GJB7: variants seen among roughly 807,000 people sequenced by gnomAD.
GJB7 encodes the protein gap junction protein beta 7.
For missense variants in GJB7, 253 were observed against 256.8 expected (o/e 0.99, Z 0.10); for synonymous variants, 87 against 95.2 (o/e 0.91, Z 0.50).
chr6:87,304,913 A>C (rs1776399315), intron 2 of GJB7, among the ~76,000 whole-genome samples: 1 of 152,258 alleles, frequency 6.6e-6, no homozygotes, highest in African/African-American at 2.4e-5. Flanking sequence ...AAACAGAACC[A>C]AAGACAAAAA....
Position 87,307,895 on chromosome 6 carries a change from T to A in GJB7, c.-28+14971A>T, listed in dbSNP as rs146554197. Among the ~76,000 whole-genome samples the A allele has an allele frequency of 5.6e-3, 860 of 152,328 alleles. 30 individuals carry two copies. Among genetic ancestry groups the A allele is most frequent in the Admixed American group, 0.05 (767 of 15,298 alleles). Reference sequence around the variant, plus strand: ...TACTGGGTATATACCCAAAGGATTATACATCATGCTGCTATAAGGACACAG... The same window carrying A: ...TACTGGGTATATACCCAAAGGATTAAACATCATGCTGCTATAAGGACACAG... On this transcript the variant is annotated intron_variant, in intron 2 of 2. Transcript: ENST00000525899.
rs531687119 is a variant in GJB7 at position 87,319,075 on chromosome 6, T to C, written c.-28+3791A>G. The stretch of plus-strand genomic sequence containing the variant: ...GAACCCCAGATTAAAATAGATATCA[T>C]TGGTCCCTTTGAATGTGTTTTCATA... On this transcript the variant is annotated intron_variant, in intron 2 of 2. Coordinates refer to ENST00000525899, the MANE Select transcript of GJB7 (RefSeq NM_198568.3). Among the ~76,000 whole-genome samples the C allele has an allele frequency of 1.2e-4, 19 of 152,324 alleles. No homozygotes were observed. In the South Asian group the frequency reaches 3.5e-3, roughly 28 times the overall value.
intron 2 of GJB7, among the ~76,000 whole-genome samples, chr6:87,310,800 TAACC>T (rs1217309639): frequency 1.3e-5 from 2 of 152,172 alleles, no homozygotes; most frequent in Non-Finnish European, 2.9e-5. Context: ...TATTGAACCT[TAACC>T]AAAACATCTT....
chr6:87,287,895 C>A (rs1236562650), intron 2 of GJB7, among the ~76,000 whole-genome samples: 1 of 152,048 alleles, frequency 6.6e-6, no homozygotes, highest in Admixed American at 6.6e-5. Context: ...AAATGTCCAT[C>A]CTATTTTTTT....
chr6:87,301,686 G>A (rs868316607), intron 2 of GJB7, among the ~76,000 whole-genome samples: 28 of 152,290 alleles, frequency 1.8e-4, no homozygotes, highest in Admixed American at 3.3e-4. Context: ...GAGAGTAATC[G>A]TTCTCCCAGC....
intron 2 of GJB7, among the ~76,000 whole-genome samples, chr6:87,295,221 C>T (rs1292799068): frequency 1.3e-5 from 2 of 152,152 alleles, no homozygotes; most frequent in Admixed American, 1.3e-4. Flanking sequence ...GGGCTGCCTC[C>T]ACATCTCAGA....
chr6:87,327,370 T>C (rs1776853614), intron 1 of GJB7, among the ~76,000 whole-genome samples: 1 of 151,958 alleles, frequency 6.6e-6, no homozygotes, highest in Admixed American at 6.6e-5. Flanking sequence ...CAATGGTCTT[T>C]ACATTTTGGC....
chr6:87,284,588 G>T lies in GJB7; in HGVS notation c.325C>A (p.Leu109Ile). 6.2e-7 allele frequency: 1 copy of T among 1,614,118 alleles called. No individual in the cohort carries two copies. Among genetic ancestry groups the T allele is most frequent in the Non-Finnish European group, 8.5e-7 (1 of 1,180,006 alleles). The change falls in exon 3 of 3, where the codon CTC becomes ATC. Residue 109 changes from leucine (L) to isoleucine (I), a missense_variant. By Grantham distance (5) the Leu-to-Ile change is conservative (BLOSUM62 2). Transcript: ENST00000525899. ...EGREKRHRKK[L>I]YVSPGTMDGG... The stretch of plus-strand genomic sequence containing the variant: ...TCCATTGTACCTGGGCTGACATAGA[G>T]TTTCTTTCTGTGCCTTTTCTCTCTA...
chr6:87,307,810 C>G (rs1313731150), intron 2 of GJB7, among the ~76,000 whole-genome samples: 2 of 152,322 alleles, frequency 1.3e-5, no homozygotes, highest in African/African-American at 4.8e-5. Flanking sequence ...CTGTGGAAGA[C>G]AGTGTGGCGA....
chr6:87,312,700 C>T (rs969573726), intron 2 of GJB7, among the ~76,000 whole-genome samples: 4 of 152,142 alleles, frequency 2.6e-5, no homozygotes, highest in Non-Finnish European at 4.4e-5. Flanking sequence ...ACCCAGTTTC[C>T]GTTATTACAT....
chr6:87,326,191 A>G (rs187136759), intron 1 of GJB7, among the ~76,000 whole-genome samples: 7 of 152,128 alleles, frequency 4.6e-5, no homozygotes, highest in East Asian at 3.9e-4. Flanking sequence ...CGGTCTATCA[A>G]TTTTGTTGAT....
intron 2 of GJB7, among the ~76,000 whole-genome samples, chr6:87,301,068 T>C (rs1776314894): frequency 1.3e-5 from 2 of 152,128 alleles, no homozygotes; most frequent in East Asian, 3.9e-4. Flanking sequence ...TATGGCTGAA[T>C]AGGAACAGCT....
intron 2 of GJB7, among the ~76,000 whole-genome samples, chr6:87,321,845 G>A (rs997290251): frequency 1.3e-5 from 2 of 152,170 alleles, no homozygotes; most frequent in Admixed American, 6.5e-5. Flanking sequence ...GTGCAGGAGA[G>A]AGAGAGAAAG....
intron 1 of GJB7, among the ~76,000 whole-genome samples, chr6:87,324,928 T>G (rs1471448430): frequency 1.3e-5 from 2 of 152,206 alleles, no homozygotes; most frequent in Admixed American, 1.3e-4. Context: ...CATTTGTTTG[T>G]ATCCTCTTTT....
intron 2 of GJB7, among the ~76,000 whole-genome samples, chr6:87,307,193 A>AT (rs1554213740): frequency 2.0e-5 from 3 of 149,658 alleles, no homozygotes; most frequent in Non-Finnish European, 4.4e-5. Flanking sequence ...TTAAAAAAAA[A>AT]TTTTTAGCCA....
intron 2 of GJB7, among the ~76,000 whole-genome samples, chr6:87,314,446 G>A (rs548437521): frequency 2.6e-5 from 4 of 152,300 alleles, no homozygotes; most frequent in African/African-American, 9.6e-5. Flanking sequence ...TTTCAGTTAT[G>A]GGATGAAGTT....
Position 87,284,485 on chromosome 6 carries a change from T to TA in GJB7, c.427dup (p.Tyr143LeufsTer2). 1 of 1,613,984 alleles carries TA rather than the reference T, an allele frequency of 6.2e-7. No homozygotes were observed. The highest frequency in any genetic ancestry group is 8.5e-7 in the Non-Finnish European group (1 of 1,179,944). On this transcript the variant is annotated frameshift_variant, in exon 3 of 3. Coordinates refer to ENST00000525899, the MANE Select transcript of GJB7 (RefSeq NM_198568.3). LOFTEE classifies it low-confidence loss of function (END_TRUNC). ...AACACTAAAGCCATCATATAGCTTA[T>TA]AAAATAAAACAAGGAAGCCAATTTC...
chr6:87,284,755 C>G lies in GJB7; in HGVS notation c.158G>C (p.Cys53Ser), dbSNP rs768320631. The change falls in exon 3 of 3, where the codon TGC becomes TCC. Residue 53 changes from cysteine (C) to serine (S), a missense_variant. Cys to Ser is a moderately radical substitution (Grantham distance 112, BLOSUM62 -1). Coordinates refer to ENST00000525899, the MANE Select transcript of GJB7 (RefSeq NM_198568.3). ...TTTGCAACCGGGCTGTCTACTGTTG[C>G]ACTCAAACTCTTTCTGCTCATCTTT... ...VWKDEQKEFE[C>S]NSRQPGCKNV... is the part of the protein sequence containing the mutation. The G allele has an allele frequency of 2.5e-6, 4 of 1,614,144 alleles. No homozygotes were observed. Among genetic ancestry groups the G allele is most frequent in the Non-Finnish European group, 2.5e-6 (3 of 1,180,024 alleles).
intron 2 of GJB7, chr6:87,298,876 C>A: frequency 2.6e-6 from 1 of 392,146 alleles, no homozygotes; most frequent in South Asian, 2.4e-5. Flanking sequence ...TGCAGATTCC[C>A]AAGCCTTACT....
Sources: allele counts gnomAD v4.1 joint callset (sites outside exome capture counted in the v4.1 genomes callset), GRCh38; gene constraint gnomAD v4.1.1; transcripts MANE v1.5; gene names NCBI Gene and HGNC (gene_info 2026-07-23, HGNC 2026-07-21).